BPGM: variants seen among roughly 807,000 people sequenced by gnomAD.
BPGM encodes the protein bisphosphoglycerate mutase.
A neutral mutation model predicts 21.6 loss-of-function variants in BPGM; 15 were observed. The observed-to-expected ratio is 0.70, with a 90% confidence interval of 0.47 to 1.07. BPGM has a LOEUF of 1.07. BPGM is among the 50% of genes least tolerant of loss of function. The pLI is 0.00. For synonymous variants in BPGM, 113 were observed against 116.2 expected (o/e 0.97, Z 0.18); for missense variants, 273 against 319.0 (o/e 0.86, Z 1.10).
chr7:134,654,607 TACTGTG>T (rs1795609679), intron 1 of BPGM, among the ~76,000 whole-genome samples: 5 of 152,192 alleles, frequency 3.3e-5, no homozygotes, highest in Admixed American at 3.3e-4. Context: ...GAATGTTGGC[TACTGTG>T]ACTAATATGA....
rs1284894828 is a variant in BPGM at position 134,679,432 on chromosome 7, G to A, written c.*401G>A. The A allele has an allele frequency of 9.9e-6, 2 of 202,092 alleles. No homozygotes were observed. The highest frequency in any genetic ancestry group is 4.7e-5 in the African/African-American group (2 of 42,752). The allele number at this position is 202,092 out of a possible 1,614,324, so 12.5% of individuals were successfully genotyped here. ...TTTAATATTTAATAAGATTTTCTGGGATAACAGTAAGGGATATTAGATAAT... is the reference window on the plus strand; with the variant it reads ...TTTAATATTTAATAAGATTTTCTGGAATAACAGTAAGGGATATTAGATAAT... On this transcript the variant is annotated 3_prime_UTR_variant, in exon 3 of 3. Coordinates refer to ENST00000344924, the MANE Select transcript of BPGM (RefSeq NM_001724.5).
chr7:134,650,857 G>A (rs1795544584), intron 1 of BPGM, among the ~76,000 whole-genome samples: 1 of 152,302 alleles, frequency 6.6e-6, no homozygotes, highest in East Asian at 1.9e-4. Flanking sequence ...CCTGGGAGGC[G>A]GAGCTTGCAG....
At chr7:134,654,512 A>G (rs1795608379) in intron 1 of BPGM, among the ~76,000 whole-genome samples, 1 of 152,182 alleles carries the variant, frequency 6.6e-6, no homozygotes, top group South Asian at 2.1e-4. Flanking sequence ...GGGAGTAATC[A>G]TAGTAGCCAC....
At chr7:134,671,341 A>G (rs2131453875) in intron 2 of BPGM, among the ~76,000 whole-genome samples, 1 of 149,244 alleles carries the variant, frequency 6.7e-6, no homozygotes, top group South Asian at 2.1e-4. Context: ...ATGTTTTAGG[A>G]TTTTTAAATT....
chr7:134,658,433 G>T (rs563703736), intron 1 of BPGM: 1 of 152,206 alleles, frequency 6.6e-6, no homozygotes, highest in Non-Finnish European at 1.5e-5. Flanking sequence ...CTCCTTCAAA[G>T]AAGCATGCAT....
chr7:134,651,785 A>G (rs1274888545), intron 1 of BPGM, among the ~76,000 whole-genome samples: 2 of 152,194 alleles, frequency 1.3e-5, no homozygotes, highest in African/African-American at 2.4e-5. Flanking sequence ...ATTTCTATAC[A>G]TTTATAGTGA....
At chr7:134,648,706 G>C (rs965502242) in intron 1 of BPGM, among the ~76,000 whole-genome samples, 3 of 150,944 alleles carry the variant, frequency 2.0e-5, no homozygotes, top group Non-Finnish European at 4.4e-5. Context: ...TTGAGACAGG[G>C]TCTCGCTCTG....
At chr7:134,652,364 G>T (rs969771712) in intron 1 of BPGM, among the ~76,000 whole-genome samples, 2 of 152,012 alleles carry the variant, frequency 1.3e-5, no homozygotes, top group Admixed American at 1.3e-4. Flanking sequence ...CATAATAGTT[G>T]TATATATTTA....
At chr7:134,662,201 A>G in intron 2 of BPGM, 93 bp downstream of exon 2, 1 of 1,495,534 alleles carries the variant, frequency 6.7e-7, no homozygotes, top group Non-Finnish European at 9.3e-7. Flanking sequence ...TATTTACACA[A>G]TAGACTCCTC....
Position 134,679,460 on chromosome 7 carries a change from A to G in BPGM, c.*429A>G, listed in dbSNP as rs1796031340. 5.8e-6 allele frequency: 1 copy of G among 171,520 alleles called. No individual in the cohort carries two copies. The highest frequency in any genetic ancestry group is 1.3e-5 in the Non-Finnish European group (1 of 79,014). The allele number at this position is 171,520 out of a possible 1,614,324, so 10.6% of individuals were successfully genotyped here. A position where few individuals can be genotyped will look rare whatever the true frequency, so the allele number is the denominator to read the frequency against. ...AACAGTAAGGGATATTAGATAATAT[A>G]CCGTATGTATTTATTACTAGTCTTT... On this transcript the variant is annotated 3_prime_UTR_variant, in exon 3 of 3. Coordinates refer to ENST00000344924, the MANE Select transcript of BPGM (RefSeq NM_001724.5).
intron 2 of BPGM, 136 bp downstream of exon 2, chr7:134,662,244 G>A: frequency 7.9e-7 from 1 of 1,266,984 alleles, no homozygotes; most frequent in Non-Finnish European, 1.1e-6. Context: ...TTTAAGAATT[G>A]TCTTGTTCTA....
chr7:134,648,936 C>T (rs1403263787), intron 1 of BPGM, among the ~76,000 whole-genome samples: 1 of 152,182 alleles, frequency 6.6e-6, no homozygotes, highest in Non-Finnish European at 1.5e-5. Context: ...TCTGTACCAT[C>T]TATTAGCAAG....
Position 134,661,689 on chromosome 7 carries a change from A to C in BPGM, c.182A>C (p.Asn61Thr), listed in dbSNP as rs138662242. The C allele has an allele frequency of 8.9e-5, 144 of 1,614,134 alleles. 1 individual carries two copies. The African/African-American group carries it at 1.8e-3, about 20-fold the overall frequency. ...GATCTTGTATTCACATCTGTCCTTA[A>C]TCGGTCCATTCACACAGCCTGGCTG... ...EFDLVFTSVL[N>T]RSIHTAWLIL... The change falls in exon 2 of 3, where the codon AAT becomes ACT. Residue 61 changes from asparagine to threonine, a missense_variant. By Grantham distance (65) the Asn-to-Thr change is moderately conservative. Transcript: ENST00000344924. The surrounding 1 kb of genome is among the most constrained non-coding windows in gnomAD (Gnocchi z 4.6).
intron 2 of BPGM, among the ~76,000 whole-genome samples, chr7:134,669,139 A>G (rs546825091): frequency 5.4e-4 from 82 of 152,322 alleles, no homozygotes; most frequent in Non-Finnish European, 1.0e-3. Context: ...GTAATAGACT[A>G]CATTAGTCAA....
rs1415250330 is a variant in BPGM, at chr7:134,679,679, G to A, written c.*648G>A. 1.3e-5 allele frequency: 2 copies of A among 152,186 alleles called. No homozygotes were observed. The highest frequency in any genetic ancestry group is 4.8e-5 in the African/African-American group (2 of 41,446). 9.4% of individuals were successfully genotyped at this position (152,186 alleles called of 1,614,324 possible). On this transcript the variant is annotated 3_prime_UTR_variant, in exon 3 of 3. Coordinates refer to ENST00000344924, the MANE Select transcript of BPGM (RefSeq NM_001724.5). ...TAGTAGAATTCCTCTTTGGCCACAA[G>A]AATAAGCAGCAAATAAACAACTATG...
intron 2 of BPGM, among the ~76,000 whole-genome samples, chr7:134,676,512 C>T (rs1795985351): frequency 6.6e-6 from 1 of 152,090 alleles, no homozygotes; most frequent in Non-Finnish European, 1.5e-5. Flanking sequence ...ACAGATAAAG[C>T]ATGGTCCTTG....
intron 1 of BPGM, among the ~76,000 whole-genome samples, chr7:134,653,422 G>A (rs1369537551): frequency 2.0e-5 from 3 of 152,176 alleles, no homozygotes; most frequent in African/African-American, 7.2e-5. Context: ...CTCTCAGCTA[G>A]TGTTCATACT....
At chr7:134,653,504 T>C (rs10227247) in intron 1 of BPGM, among the ~76,000 whole-genome samples, 146 of 152,316 alleles carry the variant, frequency 9.6e-4, no homozygotes, top group African/African-American at 3.4e-3. Context: ...ACTAAACTTT[T>C]AATGATGTCC....
At chr7:134,678,454 T>G (rs1375537364) in intron 2 of BPGM, among the ~76,000 whole-genome samples, 1 of 152,194 alleles carries the variant, frequency 6.6e-6, no homozygotes, top group Non-Finnish European at 1.5e-5. Context: ...CTAATTTTAG[T>G]ACCAGCCTGG....
Sources: gnomAD v4.1 joint callset for allele counts (sites outside exome capture counted in the v4.1 genomes callset) on GRCh38, gnomAD v4.1.1 for gene constraint, Gnocchi (gnomAD v3.1) non-coding constraint, MANE v1.5 for transcripts, NCBI Gene and HGNC (gene_info 2026-07-23, HGNC 2026-07-21) for gene names.